Variants in PCDHA10 observed in about 807,000 individuals in gnomAD.
PCDHA10 encodes the protein protocadherin alpha 10.
In PCDHA10, 45 loss-of-function variants were observed where a neutral mutation model predicts 61.2. The observed-to-expected ratio is 0.74, with a 90% confidence interval of 0.58 to 0.94. PCDHA10 has a LOEUF of 0.94. PCDHA10 is among the 40% of genes least tolerant of loss of function. The pLI, the probability that PCDHA10 is intolerant of heterozygous loss-of-function variation, is 0.00. For missense variants in PCDHA10, 1,278 were observed against 1,236.2 expected (o/e 1.03, Z -0.51); for synonymous variants, 602 against 548.8 (o/e 1.10, Z -1.35).
At chr5:140,928,681 TC>T (rs782384924) in intron 1 of PCDHA10, 4 of 1,614,062 alleles carry the variant, frequency 2.5e-6, no homozygotes. Flanking sequence ...TGCCTGGCTT[TC>T]CTACCACATC....
At position 140,933,976 on chromosome 5, in the gene PCDHA10, A is replaced by G. The variant is rs1359426492; in HGVS notation, c.2389-44973A>G. ...ATCTGTAGTGATGTTTCCCTTTTCA[A>G]TCCTGGTGTTAGTGTCACCTCTCAT... On this transcript the variant is annotated intron_variant, in intron 1 of 3. Coordinates refer to ENST00000307360, the MANE Select transcript of PCDHA10 (RefSeq NM_018901.4). Among the ~76,000 whole-genome samples, 3 of 151,666 alleles carry G rather than the reference A, an allele frequency of 2.0e-5. No homozygotes were observed. The East Asian group carries it at 5.8e-4, about 29-fold the overall frequency.
At chr5:140,962,207 A>G (rs1364251526) in intron 1 of PCDHA10, among the ~76,000 whole-genome samples, 13 of 152,236 alleles carry the variant, frequency 8.5e-5, no homozygotes, top group Admixed American at 3.3e-4. Flanking sequence ...CTATCTCCTT[A>G]TTGATCTTGA....
chr5:140,966,788 C>A, intron 1 of PCDHA10: 1 of 1,527,436 alleles, frequency 6.5e-7, no homozygotes, highest in African/African-American at 1.4e-5. Flanking sequence ...GGGCACCAGA[C>A]CTGCGGCGAC....
intron 1 of PCDHA10, chr5:140,966,810 G>A (rs1290992432): frequency 3.9e-6 from 6 of 1,548,566 alleles, no homozygotes; most frequent in African/African-American, 1.4e-5. Context: ...GAGCATCCAC[G>A]GCTCCGGCGG....
At chr5:140,928,082 T>A (rs1387313022) in intron 1 of PCDHA10, 4 of 1,614,094 alleles carry the variant, frequency 2.5e-6, no homozygotes, top group Admixed American at 3.3e-5. Context: ...TACTACAGCC[T>A]GCTGATTGAT....
At chr5:140,875,447 C>G (rs532829491) in intron 1 of PCDHA10, 1 of 1,584,206 alleles carries the variant, frequency 6.3e-7, no homozygotes, top group African/African-American at 1.4e-5. Flanking sequence ...CTGATTGTCC[C>G]AACTCAGAGG....
Position 140,864,265 on chromosome 5 carries a change from TC to T in PCDHA10, c.2388+5831del, listed in dbSNP as rs534238956. On this transcript the variant is annotated intron_variant, in intron 1 of 3. Coordinates refer to ENST00000307360, the MANE Select transcript of PCDHA10 (RefSeq NM_018901.4). ...ATTCATTTTCTTATTCTGATTTGTG[TC>T]CTCCATTCCTTATTGTTTTTATGTA... 9 of 152,340 alleles carry T rather than the reference TC, an allele frequency of 5.9e-5. No individual in the cohort carries two copies. In the East Asian group the frequency reaches 1.3e-3, roughly 23 times the overall value. The allele number at this position is 152,340 out of a possible 1,614,324, so 9.4% of individuals were successfully genotyped here.
chr5:140,934,569 A>AT (rs1286294364), intron 1 of PCDHA10, among the ~76,000 whole-genome samples: 1 of 152,044 alleles, frequency 6.6e-6, no homozygotes, highest in Admixed American at 6.6e-5. Context: ...TTTTTAATTA[A>AT]TTGTAACATT....
At chr5:140,886,155 T>C (rs528104847) in intron 1 of PCDHA10, among the ~76,000 whole-genome samples, 1 of 152,212 alleles carries the variant, frequency 6.6e-6, no homozygotes, top group African/African-American at 2.4e-5. Context: ...CACCTTTTTA[T>C]AGCCACATCT....
At chr5:141,006,678 T>C (rs1554260866) in intron 3 of PCDHA10, among the ~76,000 whole-genome samples, 1 of 151,754 alleles carries the variant, frequency 6.6e-6, no homozygotes, top group Non-Finnish European at 1.5e-5. Flanking sequence ...GCAGTGAAAA[T>C]TGGGAGAAGA....
chr5:140,985,675 T>C (rs1477813786), intron 3 of PCDHA10, among the ~76,000 whole-genome samples: 1 of 151,998 alleles, frequency 6.6e-6, no homozygotes, highest in Non-Finnish European at 1.5e-5. Context: ...AAGTGGGGCC[T>C]GCCTTACGCT....
At chr5:140,958,544 A>G (rs1218939069) in intron 1 of PCDHA10, among the ~76,000 whole-genome samples, 1 of 152,182 alleles carries the variant, frequency 6.6e-6, no homozygotes, top group Non-Finnish European at 1.5e-5. Flanking sequence ...TGATTTATGA[A>G]CCAATAAATG....
At chr5:140,875,947 GA>G in intron 1 of PCDHA10, 1 of 1,614,184 alleles carries the variant, frequency 6.2e-7, no homozygotes, top group Non-Finnish European at 8.5e-7. Context: ...GGGCGCTTCT[GA>G]TGCGGATATC....
intron 1 of PCDHA10, chr5:140,926,614 C>A (rs2083406581): frequency 5.3e-6 from 2 of 377,642 alleles, no homozygotes; most frequent in Admixed American, 4.4e-5. Context: ...TCTCTGCACC[C>A]CTAGGCGGCG....
intron 1 of PCDHA10, chr5:140,968,814 G>A: frequency 1.5e-5 from 24 of 1,614,232 alleles, no homozygotes; most frequent in Non-Finnish European, 1.9e-5. Context: ...GTGGTGGATA[G>A]GGTTTCCAAA....
intron 2 of PCDHA10, among the ~76,000 whole-genome samples, chr5:140,982,084 A>G (rs2096965344): frequency 6.6e-6 from 1 of 152,266 alleles, no homozygotes; most frequent in East Asian, 1.9e-4. Flanking sequence ...TAGAGAACCT[A>G]GGAACAAGAG....
chr5:140,884,529 G>C lies in PCDHA10; in HGVS notation c.2388+26093G>C. On this transcript the variant is annotated intron_variant, in intron 1 of 3. Transcript: ENST00000307360. Reference sequence around the variant, plus strand: ...GGGAGTTGGTCGTACTCGCAGCAGAGGCGGCCGAGGGTGTGCTCTGGGGAG... The same window carrying C: ...GGGAGTTGGTCGTACTCGCAGCAGACGCGGCCGAGGGTGTGCTCTGGGGAG... 2.5e-6 allele frequency: 4 copies of C among 1,614,068 alleles called. No individual in the cohort carries two copies. Among genetic ancestry groups the C allele is most frequent in the Non-Finnish European group, 3.4e-6 (4 of 1,179,986 alleles).
At chr5:140,921,750 C>T (rs2080373281) in intron 1 of PCDHA10, among the ~76,000 whole-genome samples, 2 of 152,056 alleles carry the variant, frequency 1.3e-5, no homozygotes, top group African/African-American at 4.8e-5. Context: ...CATAACAGGA[C>T]ACTTCTTGGC....
chr5:140,940,164 AT>A (rs1407801775), intron 1 of PCDHA10, among the ~76,000 whole-genome samples: 1 of 152,170 alleles, frequency 6.6e-6, no homozygotes, highest in African/African-American at 2.4e-5. Flanking sequence ...TTTGCCTGAA[AT>A]GTCATTCTTG....
Sources: allele counts gnomAD v4.1 joint callset (sites outside exome capture counted in the v4.1 genomes callset), GRCh38; gene constraint gnomAD v4.1.1; transcripts MANE v1.5; gene names NCBI Gene and HGNC (gene_info 2026-07-23, HGNC 2026-07-21).